Variants in PTCSC3 observed in about 807,000 individuals in gnomAD.
PTCSC3 encodes the protein papillary thyroid carcinoma susceptibility candidate 3 (non-protein coding).
At chr14:36,171,670 T>C (rs1224380089) in intron 1 of PTCSC3, among the ~76,000 whole-genome samples, 1 of 152,046 alleles carries the variant, frequency 6.6e-6, no homozygotes, top group African/African-American at 2.4e-5. Context: ...AAAAATCAGT[T>C]TCAACCCCGG....
intron 2 of PTCSC3, among the ~76,000 whole-genome samples, chr14:36,156,350 A>G (rs1334012122): frequency 2.0e-5 from 3 of 152,248 alleles, no homozygotes; most frequent in African/African-American, 7.2e-5. Context: ...CTGATCAAAC[A>G]GTGGGTCTTA....
chr14:36,156,301 G>T (rs1881824513), intron 2 of PTCSC3, among the ~76,000 whole-genome samples: 1 of 152,162 alleles, frequency 6.6e-6, no homozygotes, highest in South Asian at 2.1e-4. Flanking sequence ...TTTCTGAAGG[G>T]CATTGTGATG....
intron 3 of PTCSC3, among the ~76,000 whole-genome samples, chr14:36,147,140 C>G (rs951381277): frequency 1.3e-5 from 2 of 152,078 alleles, no homozygotes; most frequent in African/African-American, 4.8e-5. Flanking sequence ...AATTATGTGT[C>G]TTGGAGTTGC....
rs1377183129 is a variant in PTCSC3, at chr14:36,142,852, C to T, written n.323-6496G>A. Among the ~76,000 whole-genome samples, 20 of 143,612 alleles carry T rather than the reference C, an allele frequency of 1.4e-4. No homozygotes were observed. In the Admixed American group the frequency reaches 1.5e-3, roughly 11 times the overall value. The allele number at this position is 143,612 out of a possible 152,430, so 94.2% of individuals were successfully genotyped here. A position where few individuals can be genotyped will look rare whatever the true frequency, so the allele number is the denominator to read the frequency against. ...TCCCCAGACTATGATATTCCCCTTC[C>T]TGTGTCCATGTGATTTCATTGTTCA... On this transcript the variant is annotated intron_variant and non_coding_transcript_variant, in intron 3 of 3. Transcript: ENST00000556013.
chr14:36,174,138 T>G (rs1882240158), intron 1 of PTCSC3, among the ~76,000 whole-genome samples: 2 of 151,980 alleles, frequency 1.3e-5, no homozygotes. Flanking sequence ...TCTCTTCAAA[T>G]GTGGGGAGTT....
At chr14:36,167,851 A>T (rs949622387) in intron 1 of PTCSC3, among the ~76,000 whole-genome samples, 21 of 151,962 alleles carry the variant, frequency 1.4e-4, no homozygotes, top group African/African-American at 4.8e-4. Flanking sequence ...GTTAAGATTT[A>T]AAAAATACAG....
chr14:36,170,258 T>C (rs2139113280), intron 1 of PTCSC3, among the ~76,000 whole-genome samples: 1 of 152,222 alleles, frequency 6.6e-6, no homozygotes, highest in East Asian at 1.9e-4. Flanking sequence ...TCTTTTTACC[T>C]TCTTTCCTGT....
In PTCSC3 at chr14:36,145,191, G is replaced by T; in HGVS notation, n.322+8613C>A. On this transcript the variant is annotated intron_variant and non_coding_transcript_variant, in intron 3 of 3. Coordinates refer to ENST00000556013, the Ensembl canonical transcript of PTCSC3. ...TGGCCTCATAAGATGAGTTAGGGAG[G>T]ATTCCCTCTTTTTCTGTTGATTGGA... 1.4e-5 allele frequency among the ~76,000 whole-genome samples: 2 copies of T among 146,050 alleles called. 1 individual carries two copies. The highest frequency in any genetic ancestry group is 3.0e-5 in the Non-Finnish European group (2 of 66,638).
At chr14:36,145,141 C>A (rs1388333338) in intron 3 of PTCSC3, among the ~76,000 whole-genome samples, 2 of 139,138 alleles carry the variant, frequency 1.4e-5, no homozygotes, top group Admixed American at 1.4e-4. Flanking sequence ...TGTGTCTCTG[C>A]CTGGCTTTGG....
chr14:36,148,118 T>C (rs570107458), intron 3 of PTCSC3, among the ~76,000 whole-genome samples: 12 of 152,160 alleles, frequency 7.9e-5, no homozygotes, highest in African/African-American at 2.7e-4. Context: ...GTCTTTTTGT[T>C]TGTCTGTGCC....
At chr14:36,147,201 T>C (rs375630016) in intron 3 of PTCSC3, among the ~76,000 whole-genome samples, 3 of 152,194 alleles carry the variant, frequency 2.0e-5, no homozygotes, top group Admixed American at 6.5e-5. Flanking sequence ...TGAATCTGAA[T>C]GTTGGCCTGC....
At chr14:36,163,832 A>C (rs1882028444) in intron 1 of PTCSC3, among the ~76,000 whole-genome samples, 1 of 152,236 alleles carries the variant, frequency 6.6e-6, no homozygotes, top group Non-Finnish European at 1.5e-5. Context: ...ATTATCATCT[A>C]ATGCAAAAAT....
At chr14:36,146,014 GT>G (rs1184914703) in intron 3 of PTCSC3, among the ~76,000 whole-genome samples, 1 of 152,098 alleles carries the variant, frequency 6.6e-6, no homozygotes, top group African/African-American at 2.4e-5. Flanking sequence ...TGATTGCACT[GT>G]GGTCTGAGAG....
intron 1 of PTCSC3, among the ~76,000 whole-genome samples, chr14:36,171,987 A>G (rs556725324): frequency 6.6e-6 from 1 of 152,330 alleles, no homozygotes; most frequent in South Asian, 2.1e-4. Flanking sequence ...AAGGCTGGCA[A>G]GGAGAAAAAT....
At chr14:36,166,965 G>A (rs1882099212) in intron 1 of PTCSC3, among the ~76,000 whole-genome samples, 1 of 152,096 alleles carries the variant, frequency 6.6e-6, no homozygotes, top group Non-Finnish European at 1.5e-5. Flanking sequence ...ATCAGGTTAG[G>A]ACAGGTAATT....
intron 1 of PTCSC3, among the ~76,000 whole-genome samples, chr14:36,171,061 GAACTT>G (rs1307336908): frequency 4.6e-5 from 7 of 152,238 alleles, no homozygotes; most frequent in African/African-American, 1.4e-4. Context: ...GCTATCCTAG[GAACTT>G]AACTACCAAT....
At chr14:36,172,792 A>C (rs770102499) in intron 1 of PTCSC3, among the ~76,000 whole-genome samples, 3 of 152,120 alleles carry the variant, frequency 2.0e-5, no homozygotes, top group Non-Finnish European at 4.4e-5. Context: ...CCAGTAACTT[A>C]GGATTTCTGT....
At chr14:36,140,303 G>A (rs995812421) in intron 3 of PTCSC3, among the ~76,000 whole-genome samples, 2 of 152,170 alleles carry the variant, frequency 1.3e-5, no homozygotes, top group African/African-American at 4.8e-5. Context: ...AACATTGTGT[G>A]CAGGTTTTTG....
intron 3 of PTCSC3, among the ~76,000 whole-genome samples, chr14:36,147,450 C>T (rs1050763024): frequency 5.9e-5 from 9 of 152,152 alleles, no homozygotes; most frequent in South Asian, 2.1e-4. Flanking sequence ...TCCAGTTGAT[C>T]GCATCGGCTC....
Sources: gnomAD v4.1 joint callset for allele counts (sites outside exome capture counted in the v4.1 genomes callset) on GRCh38, gnomAD v4.1.1 for gene constraint, MANE v1.5 for transcripts, NCBI Gene and HGNC (gene_info 2026-07-23, HGNC 2026-07-21) for gene names.